Variants in TP63 observed in about 807,000 individuals in gnomAD.
TP63 encodes the protein tumor protein p63, also known as tumor protein 63.
TP63 carries 17 observed loss-of-function variants against 82.8 expected under a neutral mutation model. That is an observed-to-expected ratio of 0.21 (90% CI 0.14 to 0.31). The LOEUF is 0.31. Ranked by LOEUF, TP63 falls within the 10% of genes least tolerant of loss-of-function variation. The pLI is 1.00. For missense variants in TP63, 648 were observed against 895.3 expected (o/e 0.72, Z 3.52); for synonymous variants, 330 against 321.7 (o/e 1.03, Z -0.28).
chr3:189,675,193 C>T (rs1178506210), intron 1 of TP63, among the ~76,000 whole-genome samples: 1 of 151,974 alleles, frequency 6.6e-6, no homozygotes, highest in Non-Finnish European at 1.5e-5. Context: ...GGCACAAGTC[C>T]CAGTCATGAG....
chr3:189,706,307 A>C (rs552481626), intron 1 of TP63, among the ~76,000 whole-genome samples: 1 of 152,004 alleles, frequency 6.6e-6, no homozygotes, highest in African/African-American at 2.4e-5. Context: ...CCCAGGCTGG[A>C]GTACAGTGGC....
intron 1 of TP63, among the ~76,000 whole-genome samples, chr3:189,734,208 G>C (rs1291820291): frequency 1.0e-5 from 1 of 99,698 alleles, no homozygotes; most frequent in Admixed American, 1.6e-4. Flanking sequence ...TTTCACTCTT[G>C]TCGCCCAGGC....
At chr3:189,607,275 G>T in the TP63 span, among the ~76,000 whole-genome samples, 1 of 152,160 alleles carries the variant, frequency 6.6e-6, no homozygotes, top group Non-Finnish European at 1.5e-5. Context: ...TGATGAATCT[G>T]TTTAGAGTCT....
chr3:189,831,032 A>T (rs996357050), intron 4 of TP63, among the ~76,000 whole-genome samples: 1 of 152,204 alleles, frequency 6.6e-6, no homozygotes, highest in Non-Finnish European at 1.5e-5. Flanking sequence ...GATGGGCCAG[A>T]AGTAGTAACT....
At chr3:189,837,208 AT>A (rs143926706) in intron 4 of TP63, among the ~76,000 whole-genome samples, 222 of 149,752 alleles carry the variant, frequency 1.5e-3, no homozygotes, top group Middle Eastern at 3.4e-3. Context: ...TGTTCAAAAC[AT>A]TTTTTTTTTC....
intron 1 of TP63, among the ~76,000 whole-genome samples, chr3:189,683,571 A>T (rs1026809510): frequency 5.3e-5 from 8 of 152,224 alleles, no homozygotes; most frequent in African/African-American, 1.9e-4. Context: ...CTTCTAAAAC[A>T]TGAAGAGCTA....
Position 189,737,627 on chromosome 3 carries a change from G to T in TP63, c.63-113G>T, listed in dbSNP as rs1028674530. The T allele has an allele frequency of 4.2e-5, 55 of 1,314,910 alleles. No homozygotes were observed. In the African/African-American group the frequency reaches 6.6e-4, roughly 16 times the overall value. 81.5% of individuals were successfully genotyped at this position (1,314,910 alleles called of 1,614,324 possible). The stretch of plus-strand genomic sequence containing the variant: ...TGTAACATGTGCTACATATATACCT[G>T]CATGGTTTTATAGATTCACTTGATG... On this transcript the variant is annotated intron_variant, in intron 1 of 13. Transcript: ENST00000264731.
chr3:189,703,350 T>C (rs999104061), intron 1 of TP63, among the ~76,000 whole-genome samples: 1 of 151,964 alleles, frequency 6.6e-6, no homozygotes, highest in Non-Finnish European at 1.5e-5. Flanking sequence ...AGGAGGAGAC[T>C]GGGAGGTGGA....
intron 3 of TP63, among the ~76,000 whole-genome samples, chr3:189,745,394 C>G (rs1236536825): frequency 2.0e-5 from 3 of 151,796 alleles, no homozygotes; most frequent in African/African-American, 7.3e-5. Context: ...AGACATTTAC[C>G]AAAGAGATAG....
At chr3:189,801,692 C>T (rs1219762812) in intron 3 of TP63, among the ~76,000 whole-genome samples, 2 of 152,026 alleles carry the variant, frequency 1.3e-5, no homozygotes, top group East Asian at 1.9e-4. Context: ...TCTCACCTGC[C>T]GTTGGGGCTT....
intron 3 of TP63, among the ~76,000 whole-genome samples, chr3:189,755,712 GT>G (rs1577356304): frequency 6.6e-6 from 1 of 151,950 alleles, no homozygotes; most frequent in East Asian, 1.9e-4. Context: ...CATGAATCTT[GT>G]TTTTTTAATG....
At chr3:189,709,182 T>C (rs956333929) in intron 1 of TP63, among the ~76,000 whole-genome samples, 29 of 152,208 alleles carry the variant, frequency 1.9e-4, no homozygotes, top group Non-Finnish European at 3.8e-4. Flanking sequence ...CTCAGCTTTT[T>C]TGAGAACAAG....
intron 1 of TP63, among the ~76,000 whole-genome samples, chr3:189,643,864 A>T (rs922819001): frequency 6.6e-6 from 1 of 152,146 alleles, no homozygotes; most frequent in Non-Finnish European, 1.5e-5. Flanking sequence ...ATCATAGTTG[A>T]CCCATGGTTA....
intron 1 of TP63, among the ~76,000 whole-genome samples, chr3:189,675,456 G>T (rs1372461988): frequency 6.6e-6 from 1 of 152,058 alleles, no homozygotes; most frequent in African/African-American, 2.4e-5. Context: ...ATTGCATTTA[G>T]AATATAACCT....
intron 1 of TP63, among the ~76,000 whole-genome samples, chr3:189,720,736 GAAAAAAAAA>G (rs548352369): frequency 1.0e-3 from 123 of 120,912 alleles, no homozygotes; most frequent in Admixed American, 3.9e-3. Context: ...CTCCGTCTCA[GAAAAAAAAA>G]AAAAAAAAAA....
chr3:189,664,070 T>A (rs1371514343), intron 1 of TP63, among the ~76,000 whole-genome samples: 2 of 152,022 alleles, frequency 1.3e-5, no homozygotes, highest in African/African-American at 4.8e-5. Context: ...TATCCAAACC[T>A]CTACAGAGAG....
chr3:189,596,835 C>T, the TP63 span, among the ~76,000 whole-genome samples: 12 of 152,158 alleles, frequency 7.9e-5, no homozygotes, highest in African/African-American at 2.9e-4. Context: ...TCTTTGGGTG[C>T]ACACTGCTTT....
intron 4 of TP63, among the ~76,000 whole-genome samples, chr3:189,828,043 C>T (rs1474778338): frequency 6.6e-6 from 1 of 152,086 alleles, no homozygotes; most frequent in African/African-American, 2.4e-5. Flanking sequence ...GAGTTCAAGA[C>T]CAGCCTGGCT....
chr3:189,682,599 A>G (rs1220096674), intron 1 of TP63, among the ~76,000 whole-genome samples: 1 of 143,968 alleles, frequency 6.9e-6, no homozygotes, highest in Non-Finnish European at 1.5e-5. Context: ...TATATATCCT[A>G]TTCACAAGGT....
Sources: gnomAD v4.1 joint callset for allele counts (sites outside exome capture counted in the v4.1 genomes callset) on GRCh38, gnomAD v4.1.1 for gene constraint, MANE v1.5 for transcripts, NCBI Gene and HGNC (gene_info 2026-07-23, HGNC 2026-07-21) for gene names.